Variants in PTH2R observed in about 807,000 individuals in gnomAD.
The protein encoded by PTH2R is PTH2 receptor.
PTH2R carries 59 observed loss-of-function variants against 60.3 expected under a neutral mutation model. The ratio of observed to expected loss-of-function variants is 0.98; its 90% CI spans 0.79 to 1.22. The LOEUF (loss-of-function observed/expected upper bound fraction) is 1.22. PTH2R is among the 50% of genes most tolerant of loss of function. The pLI, the probability that PTH2R is intolerant of heterozygous loss-of-function variation, is 0.00. For synonymous variants in PTH2R, 256 were observed against 243.8 expected (o/e 1.05, Z -0.47); for missense variants, 749 against 682.6 (o/e 1.10, Z -1.08).
intron 2 of PTH2R, among the ~76,000 whole-genome samples, chr2:208,432,707 GA>G (rs1701996929): frequency 6.6e-6 from 1 of 152,166 alleles, no homozygotes; most frequent in African/African-American, 2.4e-5. Flanking sequence ...CCAAATACCT[GA>G]GAGCCCCCAG....
chr2:208,384,527 C>T (rs957807416), intron 1 of PTH2R, among the ~76,000 whole-genome samples: 3 of 152,116 alleles, frequency 2.0e-5, no homozygotes, highest in African/African-American at 7.2e-5. Flanking sequence ...GAATGGGTCC[C>T]TTGATAAGAA....
At chr2:208,447,477 ACT>A (rs1263036266) in intron 7 of PTH2R, among the ~76,000 whole-genome samples, 18 of 151,702 alleles carry the variant, frequency 1.2e-4, no homozygotes, top group African/African-American at 4.4e-4. Flanking sequence ...AGTCCCAGCT[ACT>A]CAGGAGGCTG....
intron 1 of PTH2R, among the ~76,000 whole-genome samples, chr2:208,394,235 CT>C (rs1176277130): frequency 6.6e-6 from 1 of 152,186 alleles, no homozygotes; most frequent in Non-Finnish European, 1.5e-5. Context: ...AGGGCATGCC[CT>C]TGTGCAATAG....
At chr2:208,406,122 T>A (rs369939511), upstream of PTH2R, among the ~76,000 whole-genome samples, 1 of 152,200 alleles carries the variant, frequency 6.6e-6, no homozygotes, top group East Asian at 1.9e-4. Context: ...GTTATGCAGC[T>A]AGCACATGGC....
At chr2:208,438,581 T>C (rs1393149743) in intron 4 of PTH2R, among the ~76,000 whole-genome samples, 1 of 152,200 alleles carries the variant, frequency 6.6e-6, no homozygotes, top group African/African-American at 2.4e-5. Flanking sequence ...TTTTAAGTTA[T>C]AAAAGTTGGT....
At chr2:208,404,546 A>G (rs999959874), upstream of PTH2R, among the ~76,000 whole-genome samples, 6 of 152,216 alleles carry the variant, frequency 3.9e-5, no homozygotes, top group African/African-American at 1.4e-4. Flanking sequence ...TGTCATTTGT[A>G]TAACTGTACA....
intron 10 of PTH2R, among the ~76,000 whole-genome samples, chr2:208,488,696 C>G (rs1271051082): frequency 6.6e-6 from 1 of 151,902 alleles, no homozygotes. Context: ...GGCAACATGG[C>G]GAGACCCCGT....
chr2:208,393,121 C>A (rs1472264723), intron 1 of PTH2R, among the ~76,000 whole-genome samples: 1 of 152,002 alleles, frequency 6.6e-6, no homozygotes, highest in East Asian at 1.9e-4. Context: ...CTTGTATTTC[C>A]TCTCCTTTTC....
chr2:208,415,733 A>G (rs1701627757), intron 1 of PTH2R, among the ~76,000 whole-genome samples: 1 of 152,218 alleles, frequency 6.6e-6, no homozygotes, highest in Admixed American at 6.5e-5. Context: ...ATAGCACAGC[A>G]TTCAGTCAGA....
At chr2:208,380,284 A>G (rs1289381661) in intron 1 of PTH2R, among the ~76,000 whole-genome samples, 1 of 152,182 alleles carries the variant, frequency 6.6e-6, no homozygotes, top group Non-Finnish European at 1.5e-5. Flanking sequence ...GTGACAGGAC[A>G]TAAACTTTAA....
At chr2:208,435,338 G>A (rs1024463663) in intron 2 of PTH2R, among the ~76,000 whole-genome samples, 1 of 152,172 alleles carries the variant, frequency 6.6e-6, no homozygotes, top group African/African-American at 2.4e-5. Flanking sequence ...CTGCTGTTGT[G>A]CCTGTGTATG....
chr2:208,489,206 T>C, intron 11 of PTH2R, 56 bp downstream of exon 11: 1 of 1,607,758 alleles, frequency 6.2e-7, no homozygotes, highest in South Asian at 1.1e-5. Context: ...TTTTTCCTTT[T>C]GGTCACTTAC....
intron 10 of PTH2R, among the ~76,000 whole-genome samples, chr2:208,483,990 G>A (rs902681252): frequency 6.6e-6 from 1 of 152,152 alleles, no homozygotes; most frequent in Non-Finnish European, 1.5e-5. Flanking sequence ...TCTCAGTGAC[G>A]TTCCTACGAT....
intron 1 of PTH2R, among the ~76,000 whole-genome samples, chr2:208,411,347 G>T (rs1701536425): frequency 1.3e-5 from 2 of 152,210 alleles, no homozygotes; most frequent in South Asian, 4.1e-4. Flanking sequence ...AAGAGAGTTG[G>T]TTTGTTCTCA....
At chr2:208,404,254 C>CAGATTTAAGT (rs1701359410), upstream of PTH2R, among the ~76,000 whole-genome samples, 1 of 152,086 alleles carries the variant, frequency 6.6e-6, no homozygotes. Flanking sequence ...ACAAGTAGGG[C>CAGATTTAAGT]AGTGTAGATT....
At chr2:208,395,419 T>C (rs1701190944) in intron 1 of PTH2R, among the ~76,000 whole-genome samples, 1 of 152,104 alleles carries the variant, frequency 6.6e-6, no homozygotes, top group Non-Finnish European at 1.5e-5. Flanking sequence ...ATGTAGAGGA[T>C]GTCTATTTCC....
chr2:208,382,525 A>C (rs1398842031), intron 1 of PTH2R, among the ~76,000 whole-genome samples: 1 of 152,184 alleles, frequency 6.6e-6, no homozygotes, highest in African/African-American at 2.4e-5. Flanking sequence ...GGAATTGCCT[A>C]GGTAATACAT....
At chr2:208,424,505 G>T (rs1701819099) in intron 1 of PTH2R, among the ~76,000 whole-genome samples, 2 of 152,174 alleles carry the variant, frequency 1.3e-5, no homozygotes, top group Non-Finnish European at 2.9e-5. Flanking sequence ...CACTTGCCAA[G>T]GCTTGACATA....
intron 1 of PTH2R, among the ~76,000 whole-genome samples, chr2:208,410,744 A>G (rs1200363052): frequency 6.6e-6 from 1 of 151,764 alleles, no homozygotes; most frequent in Non-Finnish European, 1.5e-5. Context: ...TGTTTTATGA[A>G]CATATTCAGA....
Sources: allele counts gnomAD v4.1 joint callset (sites outside exome capture counted in the v4.1 genomes callset), GRCh38; gene constraint gnomAD v4.1.1; transcripts MANE v1.5; gene names NCBI Gene and HGNC (gene_info 2026-07-23, HGNC 2026-07-21).